The following LRRC4C variants were observed in gnomAD, a reference collection of about 807,000 sequenced individuals.
LRRC4C encodes the protein leucine rich repeat containing 4C.
LRRC4C carries 5 observed loss-of-function variants against 33.6 expected under a neutral mutation model. That is an observed-to-expected ratio of 0.15 (90% CI 0.08 to 0.31). The LOEUF (loss-of-function observed/expected upper bound fraction) is 0.31, where lower values mean the gene tolerates loss of function less well. LRRC4C is among the 10% of genes least tolerant of loss of function. LRRC4C has a pLI of 1.00. For missense variants in LRRC4C, 560 were observed against 796.7 expected (o/e 0.70, Z 3.58); for synonymous variants, 329 against 302.0 (o/e 1.09, Z -0.93).
chr11:41,214,554 AC>A (rs1438971335), intron 1 of LRRC4C, among the ~76,000 whole-genome samples: 2 of 124,308 alleles, frequency 1.6e-5, no homozygotes, highest in African/African-American at 6.4e-5. Context: ...ACACCGTGAA[AC>A]CCCGTCTCTA....
At chr11:40,150,642 C>T (rs1858120218) in intron 5 of LRRC4C, among the ~76,000 whole-genome samples, 1 of 152,066 alleles carries the variant, frequency 6.6e-6, no homozygotes, top group Admixed American at 6.6e-5. Context: ...CCTGGTCTCA[C>T]CATCTTGTCC....
At chr11:41,248,788 T>TA (rs1177018264) in intron 1 of LRRC4C, among the ~76,000 whole-genome samples, 10 of 152,186 alleles carry the variant, frequency 6.6e-5, no homozygotes, top group Non-Finnish European at 1.2e-4. Context: ...ATAAGTATCT[T>TA]AAAATTAAAG....
At chr11:40,659,476 C>T (rs975393142) in intron 2 of LRRC4C, among the ~76,000 whole-genome samples, 4 of 152,096 alleles carry the variant, frequency 2.6e-5, no homozygotes, top group African/African-American at 9.7e-5. Context: ...GGAGTCAGAG[C>T]TCATGGTGCT....
intron 2 of LRRC4C, among the ~76,000 whole-genome samples, chr11:40,659,263 T>C (rs1943296235): frequency 6.6e-6 from 1 of 152,194 alleles, no homozygotes; most frequent in Non-Finnish European, 1.5e-5. Context: ...TGGTCCTCTC[T>C]GGACTTTGGG....
chr11:41,241,220 T>C (rs143998698), intron 1 of LRRC4C, among the ~76,000 whole-genome samples: 3 of 152,282 alleles, frequency 2.0e-5, no homozygotes, highest in South Asian at 2.1e-4. Context: ...TTAATTATAG[T>C]AGATTTCTGT....
At chr11:40,879,584 T>G (rs1210170000) in intron 2 of LRRC4C, among the ~76,000 whole-genome samples, 1 of 151,966 alleles carries the variant, frequency 6.6e-6, no homozygotes, top group Non-Finnish European at 1.5e-5. Context: ...GTACTAAAAT[T>G]TATTAAGTAA....
intron 4 of LRRC4C, among the ~76,000 whole-genome samples, chr11:40,259,814 GC>G (rs201582450): frequency 0.025 from 3,775 of 152,108 alleles, 161 homozygotes; most frequent in African/African-American, 0.083. Flanking sequence ...GGTTACTGTA[GC>G]CTGGCCATCA....
At chr11:40,489,666 A>G (rs1308770664) in intron 3 of LRRC4C, among the ~76,000 whole-genome samples, 1 of 152,126 alleles carries the variant, frequency 6.6e-6, no homozygotes, top group Non-Finnish European at 1.5e-5. Context: ...AGCTCACAAT[A>G]AATGGAACCC....
At chr11:40,878,387 C>T (rs1955015383) in intron 2 of LRRC4C, among the ~76,000 whole-genome samples, 1 of 152,178 alleles carries the variant, frequency 6.6e-6, no homozygotes, top group Non-Finnish European at 1.5e-5. Flanking sequence ...TAATGTTGAT[C>T]TGTATTTGCA....
intron 3 of LRRC4C, among the ~76,000 whole-genome samples, chr11:40,343,025 T>C (rs1229132298): frequency 6.6e-6 from 1 of 151,334 alleles, no homozygotes; most frequent in Non-Finnish European, 1.5e-5. Context: ...TTTTATTTTA[T>C]ATATATATTT....
chr11:40,792,754 T>A (rs954350210), intron 2 of LRRC4C, among the ~76,000 whole-genome samples: 14 of 152,102 alleles, frequency 9.2e-5, no homozygotes, highest in Admixed American at 5.9e-4. Context: ...CCAACAATGA[T>A]AGACTGGATT....
chr11:40,361,783 A>G (rs906098898), intron 3 of LRRC4C, among the ~76,000 whole-genome samples: 8 of 152,214 alleles, frequency 5.3e-5, no homozygotes, highest in African/African-American at 1.9e-4. Context: ...AGATGAACCC[A>G]AAAAAGTGCC....
chr11:41,150,654 G>A (rs1431986572), intron 1 of LRRC4C, among the ~76,000 whole-genome samples: 1 of 151,840 alleles, frequency 6.6e-6, no homozygotes, highest in Non-Finnish European at 1.5e-5. Flanking sequence ...GCCAGGTGTG[G>A]TGATGCTTGC....
At chr11:41,121,464 T>C (rs1590661541) in intron 1 of LRRC4C, among the ~76,000 whole-genome samples, 1 of 152,334 alleles carries the variant, frequency 6.6e-6, no homozygotes, top group East Asian at 1.9e-4. Flanking sequence ...TCCCTCGTAA[T>C]ACTTCTTTTA....
intron 1 of LRRC4C, among the ~76,000 whole-genome samples, chr11:41,315,301 T>C (rs188244647): frequency 6.6e-6 from 1 of 152,312 alleles, no homozygotes; most frequent in Admixed American, 6.5e-5. Context: ...GTGTAGACCC[T>C]GCCCATATTA....
At chr11:40,218,618 G>C (rs71470164) in intron 5 of LRRC4C, among the ~76,000 whole-genome samples, 109,059 of 141,614 alleles carry the variant, frequency 0.77, 45,178 homozygotes, top group Non-Finnish European at 0.91. Flanking sequence ...ATGTATGTAT[G>C]TATGTATGTA....
At chr11:40,515,814 C>A (rs987648570) in intron 3 of LRRC4C, among the ~76,000 whole-genome samples, 4 of 151,950 alleles carry the variant, frequency 2.6e-5, no homozygotes, top group African/African-American at 4.8e-5. Flanking sequence ...TCATGAAGTA[C>A]TGTGGCCAAT....
intron 2 of LRRC4C, among the ~76,000 whole-genome samples, chr11:40,773,166 G>A (rs948226914): frequency 6.6e-6 from 1 of 152,146 alleles, no homozygotes; most frequent in Non-Finnish European, 1.5e-5. Context: ...AACTCATGGA[G>A]ATAAGAGAGT....
At chr11:40,415,992 C>T (rs1565366206) in intron 3 of LRRC4C, among the ~76,000 whole-genome samples, 1 of 152,066 alleles carries the variant, frequency 6.6e-6, no homozygotes, top group Non-Finnish European at 1.5e-5. Flanking sequence ...AAAACGTGTA[C>T]TATGCAATAT....
Sources: gnomAD v4.1 joint callset for allele counts (sites outside exome capture counted in the v4.1 genomes callset) on GRCh38, gnomAD v4.1.1 for gene constraint, MANE v1.5 for transcripts, NCBI Gene and HGNC (gene_info 2026-07-23, HGNC 2026-07-21) for gene names.